GLCCI1: variants seen among roughly 807,000 people sequenced by gnomAD.
The protein encoded by GLCCI1 is glucocorticoid-induced transcript 1 protein.
In GLCCI1, 24 loss-of-function variants were observed where a neutral mutation model predicts 52.2. The ratio of observed to expected loss-of-function variants is 0.46; its 90% CI spans 0.33 to 0.65. The LOEUF (loss-of-function observed/expected upper bound fraction) is 0.65, where lower values mean the gene tolerates loss of function less well. Ranked by LOEUF, GLCCI1 falls within the 30% of genes least tolerant of loss-of-function variation. GLCCI1 has a pLI of 0.02. For missense variants in GLCCI1, 704 were observed against 701.5 expected (o/e 1.00, Z -0.04); for synonymous variants, 310 against 276.5 (o/e 1.12, Z -1.20).
chr7:8,018,728 TAC>T (rs1781425472), intron 2 of GLCCI1, among the ~76,000 whole-genome samples: 1 of 152,160 alleles, frequency 6.6e-6, no homozygotes, highest in African/African-American at 2.4e-5. Flanking sequence ...TTAATAGTCT[TAC>T]AGATAGGTTT....
chr7:7,970,808 T>G (rs1780336182), intron 1 of GLCCI1, among the ~76,000 whole-genome samples: 1 of 152,160 alleles, frequency 6.6e-6, no homozygotes, highest in African/African-American at 2.4e-5. Context: ...TATTGTTAGA[T>G]ACCGAACTAG....
intron 6 of GLCCI1, among the ~76,000 whole-genome samples, chr7:8,075,667 C>T (rs1021700101): frequency 5.3e-5 from 8 of 152,164 alleles, no homozygotes; most frequent in African/African-American, 1.9e-4. Context: ...GCACAGTTCA[C>T]TTATGCAGTT....
rs1562455767 is a variant in GLCCI1 at position 8,086,218 on chromosome 7, C to G, written c.1324C>G (p.Leu442Val). Reference sequence around the variant, plus strand: ...GTCTCGTCAGCCTATCTCGGCCCCTCTCTTTTCATGTCCTGACAAAAACAA... The same window carrying G: ...GTCTCGTCAGCCTATCTCGGCCCCTGTCTTTTCATGTCCTGACAAAAACAA... ...MASRQPISAP[L>V]FSCPDKNKVN... is the part of the protein sequence containing the mutation. The change falls in exon 8 of 8, where the codon CTC becomes GTC. Residue 442 changes from leucine to valine, a missense_variant. By Grantham distance (32) the Leu-to-Val change is conservative. Transcript: ENST00000223145. The surrounding 1 kb of genome is among the most constrained non-coding windows in gnomAD (Gnocchi z 4.4). 1.9e-6 allele frequency: 3 copies of G among 1,613,698 alleles called. No individual in the cohort carries two copies. The highest frequency in any genetic ancestry group is 1.7e-6 in the Non-Finnish European group (2 of 1,179,926).
intron 3 of GLCCI1, among the ~76,000 whole-genome samples, chr7:8,037,630 C>A (rs1249733218): frequency 6.6e-6 from 1 of 152,118 alleles, no homozygotes; most frequent in Non-Finnish European, 1.5e-5. Context: ...AGGATCTAAT[C>A]ATATCTTGCT....
Position 8,004,008 on chromosome 7 carries a change from A to C in GLCCI1, c.558A>C (p.Pro186=). The part of the protein sequence containing the change: ...ITGPYLTGQW[P]RDPHVHYPSC... The stretch of plus-strand genomic sequence containing the variant: ...GACCTTACCTCACAGGACAGTGGCC[A>C]CGGGATCCTCATGTTCACTACCCTT... Residue 186 remains proline, a synonymous_variant, in exon 2 of 8, where the codon CCA becomes CCC. Transcript: ENST00000223145. The C allele has an allele frequency of 6.2e-7, 1 of 1,613,908 alleles. No individual in the cohort carries two copies. Among genetic ancestry groups the C allele is most frequent in the Non-Finnish European group, 8.5e-7 (1 of 1,179,840 alleles).
Position 8,010,489 on chromosome 7 carries a change from C to T in GLCCI1, c.609+6430C>T, listed in dbSNP as rs552549840. Among the ~76,000 whole-genome samples the T allele has an allele frequency of 1.2e-4, 18 of 152,240 alleles. No homozygotes were observed. In the South Asian group the frequency reaches 3.7e-3, roughly 32 times the overall value. On this transcript the variant is annotated intron_variant, in intron 2 of 7. Transcript: ENST00000223145. Reference sequence around the variant, plus strand: ...AATATCTTATAAAATCTCTGTGCTTCTCAGTTCTTGCAGGGATGCTTAGTG... The same window carrying T: ...AATATCTTATAAAATCTCTGTGCTTTTCAGTTCTTGCAGGGATGCTTAGTG...
intron 1 of GLCCI1, 113 bp from the exon 2 acceptor site, chr7:8,003,795 T>A: frequency 1.1e-6 from 1 of 875,340 alleles, no homozygotes. Context: ...TTAGTGTAAA[T>A]ATATATATCA....
chr7:8,043,616 GT>G (rs1336552770), intron 3 of GLCCI1, among the ~76,000 whole-genome samples: 3 of 152,120 alleles, frequency 2.0e-5, no homozygotes, highest in African/African-American at 4.8e-5. Context: ...AATTTGGGGG[GT>G]GATGAAAAAG....
At chr7:8,051,731 T>A (rs879928435) in intron 3 of GLCCI1, among the ~76,000 whole-genome samples, 1 of 152,214 alleles carries the variant, frequency 6.6e-6, no homozygotes, top group African/African-American at 2.4e-5. Flanking sequence ...ATTAGAATGA[T>A]GTTGAGCACC....
chr7:8,068,603 C>A (rs1782685429), intron 5 of GLCCI1, among the ~76,000 whole-genome samples: 2 of 150,610 alleles, frequency 1.3e-5, no homozygotes, highest in African/African-American at 4.9e-5. Context: ...ATCTTGATGA[C>A]CTTCATTTCT....
intron 2 of GLCCI1, among the ~76,000 whole-genome samples, chr7:8,007,765 A>G (rs961238924): frequency 1.3e-5 from 2 of 148,930 alleles, no homozygotes; most frequent in African/African-American, 4.8e-5. Context: ...TCTTCCTTTT[A>G]TATTTCTGTT....
At chr7:8,071,305 A>G (rs1554263343) in intron 6 of GLCCI1, among the ~76,000 whole-genome samples, 174 bp downstream of exon 6, 1 of 151,806 alleles carries the variant, frequency 6.6e-6, no homozygotes, top group African/African-American at 2.4e-5. Context: ...TTGTGACTCT[A>G]ACAAACATCT....
chr7:8,020,805 T>G (rs1781468812), intron 2 of GLCCI1, among the ~76,000 whole-genome samples: 1 of 152,196 alleles, frequency 6.6e-6, no homozygotes, highest in African/African-American at 2.4e-5. Flanking sequence ...TTAAGTTATA[T>G]AAATTATCAA....
chr7:8,052,652 C>T (rs1309882699), intron 3 of GLCCI1, among the ~76,000 whole-genome samples: 1 of 152,210 alleles, frequency 6.6e-6, no homozygotes, highest in Admixed American at 6.5e-5. Context: ...ATTGTCCTAA[C>T]ATTAGAAATA....
chr7:7,971,461 A>G (rs1347557922), intron 1 of GLCCI1, among the ~76,000 whole-genome samples: 1 of 152,212 alleles, frequency 6.6e-6, no homozygotes, highest in African/African-American at 2.4e-5. Flanking sequence ...ACAGTGCACA[A>G]ATTGAGTTTT....
chr7:7,993,468 CT>C (rs1472123781), intron 1 of GLCCI1, among the ~76,000 whole-genome samples: 1 of 152,198 alleles, frequency 6.6e-6, no homozygotes, highest in Non-Finnish European at 1.5e-5. Flanking sequence ...CCATATTGCT[CT>C]AGTATCTCAG....
rs143464869 is a variant in GLCCI1, at chr7:8,067,085, T to C, written c.967-3836T>C. Among the ~76,000 whole-genome samples, 426 of 152,330 alleles carry C rather than the reference T, an allele frequency of 2.8e-3. 1 individual carries two copies. Among genetic ancestry groups the C allele is most frequent in the African/African-American group, 8.4e-3 (348 of 41,568 alleles). On this transcript the variant is annotated intron_variant, in intron 5 of 7. Coordinates refer to ENST00000223145, the MANE Select transcript of GLCCI1 (RefSeq NM_138426.4). ...TGCCCCTGTGTTGGGTGCATATATA[T>C]TTAGGATAGTTAGGTCTTCCTGTTG... is the stretch of plus-strand genomic sequence containing the variant.
At chr7:8,049,616 TAC>T (rs1782212777) in intron 3 of GLCCI1, among the ~76,000 whole-genome samples, 1 of 152,104 alleles carries the variant, frequency 6.6e-6, no homozygotes, top group Non-Finnish European at 1.5e-5. Context: ...TAAGTTAATA[TAC>T]AGTCATTTAA....
intron 6 of GLCCI1, chr7:8,078,463 C>A (rs999828167): frequency 2.0e-5 from 3 of 152,020 alleles, no homozygotes; most frequent in African/African-American, 2.4e-5. Context: ...TGAATCTGTA[C>A]CCCTAATAAA....
Sources: allele counts gnomAD v4.1 joint callset (sites outside exome capture counted in the v4.1 genomes callset), GRCh38; gene constraint gnomAD v4.1.1; non-coding constraint Gnocchi (gnomAD v3.1); transcripts MANE v1.5; gene names NCBI Gene and HGNC (gene_info 2026-07-23, HGNC 2026-07-21).